The following PTK2B variants were observed in gnomAD, a reference collection of about 807,000 sequenced individuals.
PTK2B encodes protein tyrosine kinase 2 beta.
PTK2B carries 71 observed loss-of-function variants against 142.9 expected under a neutral mutation model. The ratio of observed to expected loss-of-function variants is 0.50; its 90% CI spans 0.41 to 0.61. The LOEUF (loss-of-function observed/expected upper bound fraction) is 0.61, where lower values mean the gene tolerates loss of function less well. Among genes scored for constraint, PTK2B ranks in the 20% least tolerant of loss-of-function variants. The pLI is 0.00. For missense variants in PTK2B, 1,105 were observed against 1,320.4 expected (o/e 0.84, Z 2.53); for synonymous variants, 519 against 503.4 (o/e 1.03, Z -0.42).
intron 30 of PTK2B, among the ~76,000 whole-genome samples, chr8:27,455,471 C>G (rs1308786892): frequency 1.3e-5 from 2 of 152,178 alleles, no homozygotes; most frequent in African/African-American, 4.8e-5. Context: ...ATAGACTGAG[C>G]CTGGGAGGTG....
In PTK2B at chr8:27,383,549, G is replaced by A. The variant is rs183490561; in HGVS notation, c.-37-13999G>A. Among the ~76,000 whole-genome samples, 506 of 151,984 alleles carry A rather than the reference G, an allele frequency of 3.3e-3. 4 individuals are homozygous for A. The highest frequency in any genetic ancestry group is 5.2e-3 in the Admixed American group (79 of 15,264). ...GCTGGGATTACAGGTGTGAGCCACC[G>A]CGCCTGGCCTCCTCTGTTTCTTTCA... On this transcript the variant is annotated intron_variant, in intron 1 of 30. Coordinates refer to ENST00000346049, the MANE Select transcript of PTK2B (RefSeq NM_173176.3).
intron 2 of PTK2B, among the ~76,000 whole-genome samples, chr8:27,407,632 G>A (rs747565302): frequency 1.3e-5 from 2 of 152,140 alleles, no homozygotes; most frequent in African/African-American, 2.4e-5. Context: ...AGGTGCTCCC[G>A]GGAGGTGGGT....
intron 5 of PTK2B, 99 bp downstream of exon 5, chr8:27,422,482 G>A (rs1809823613): frequency 3.5e-6 from 4 of 1,137,686 alleles, no homozygotes; most frequent in African/African-American, 3.2e-5. Context: ...GAATGAGTGT[G>A]TGGGAGCCAG....
At chr8:27,398,128 C>T (rs191041635) in intron 2 of PTK2B, among the ~76,000 whole-genome samples, 288 of 152,352 alleles carry the variant, frequency 1.9e-3, no homozygotes, top group Admixed American at 3.5e-3. Context: ...AAAGAGTTTA[C>T]ACTCTGATGA....
intron 21 of PTK2B, among the ~76,000 whole-genome samples, chr8:27,442,445 C>G (rs1219857648): frequency 6.6e-6 from 1 of 151,958 alleles, no homozygotes; most frequent in Non-Finnish European, 1.5e-5. Flanking sequence ...ACCGGGGATG[C>G]GTTGGGGGAT....
intron 7 of PTK2B, 111 bp from the exon 8 acceptor site, chr8:27,430,765 G>A (rs1380011941): frequency 9.8e-6 from 14 of 1,428,114 alleles, no homozygotes; most frequent in Non-Finnish European, 1.3e-5. Flanking sequence ...TTGGGGCAAA[G>A]GCCCTGGGGA....
At chr8:27,383,760 A>G (rs1807171606) in intron 1 of PTK2B, among the ~76,000 whole-genome samples, 1 of 151,848 alleles carries the variant, frequency 6.6e-6, no homozygotes, top group Admixed American at 6.6e-5. Context: ...ATCATAGCTC[A>G]CTGCATTCTT....
intron 1 of PTK2B, among the ~76,000 whole-genome samples, chr8:27,361,306 A>C (rs577564513): frequency 6.6e-6 from 1 of 152,020 alleles, no homozygotes; most frequent in African/African-American, 2.4e-5. Context: ...ACAGCCTCGA[A>C]CTCCTGGGCT....
chr8:27,371,784 G>A (rs1022445830), intron 1 of PTK2B, among the ~76,000 whole-genome samples: 6 of 152,188 alleles, frequency 3.9e-5, no homozygotes, highest in Non-Finnish European at 1.5e-5. Flanking sequence ...CTGACCTCAG[G>A]TGGTCTGCCT....
chr8:27,362,305 A>G (rs1235495331), intron 1 of PTK2B, among the ~76,000 whole-genome samples: 1 of 152,064 alleles, frequency 6.6e-6, no homozygotes, highest in Non-Finnish European at 1.5e-5. Context: ...CGTGACTCAC[A>G]GGCAGGCCCT....
At chr8:27,374,144 G>C (rs1010425455) in intron 1 of PTK2B, among the ~76,000 whole-genome samples, 5 of 152,202 alleles carry the variant, frequency 3.3e-5, no homozygotes, top group Non-Finnish European at 7.3e-5. Flanking sequence ...GGCAGCAGGG[G>C]CTGCACATTG....
Position 27,430,101 on chromosome 8 carries a change from T to C in PTK2B, c.560T>C (p.Phe187Ser), listed in dbSNP as rs1410966693. 1 of 1,613,966 alleles carries C rather than the reference T, an allele frequency of 6.2e-7. No individual in the cohort carries two copies. Among genetic ancestry groups the C allele is most frequent in the Admixed American group, 1.7e-5 (1 of 60,022 alleles). ...ACCACCTATTTCTCCAGGCGGTTCT[T>C]CAAGGATATGCCCCACAATGCACTT... ...QLGCLELRRFFKDMPHNALDK... is the reference protein window; with the variant it reads ...QLGCLELRRFSKDMPHNALDK... Residue 187 changes from phenylalanine (F) to serine (S), a missense_variant, in exon 6 of 31, where the codon TTC becomes TCC. Coordinates refer to ENST00000346049, the MANE Select transcript of PTK2B (RefSeq NM_173176.3).
Position 27,458,283 on chromosome 8 carries a change from T to A in PTK2B, c.2815-11T>A. On this transcript the variant is annotated splice_polypyrimidine_tract_variant and intron_variant, in intron 30 of 30. Transcript: ENST00000346049. ...TGGCCTCTCAACCTGTCCTGTGTGA[T>A]CTTCCTACAGATCGAGGGCACCCAG... 1.9e-6 allele frequency: 3 copies of A among 1,612,460 alleles called. 1 individual carries two copies. The highest frequency in any genetic ancestry group is 1.1e-5 in the South Asian group (1 of 90,890).
intron 27 of PTK2B, chr8:27,451,851 T>A: frequency 2.1e-6 from 2 of 956,978 alleles, no homozygotes; most frequent in Non-Finnish European, 2.7e-6. Context: ...AGTTAAGCAG[T>A]GCCACCTGCC....
chr8:27,375,884 C>T (rs1427328937), intron 1 of PTK2B, among the ~76,000 whole-genome samples: 6 of 152,256 alleles, frequency 3.9e-5, no homozygotes, highest in Non-Finnish European at 7.3e-5. Flanking sequence ...CTGGAGCCTT[C>T]ATTCCCCTCA....
At chr8:27,310,961 C>T (rs974827238), upstream of PTK2B, 1 of 1,612,420 alleles carries the variant, frequency 6.2e-7, no homozygotes, top group African/African-American at 1.3e-5. Context: ...GTAGCTGGTC[C>T]AGCGCGCGCC....
rs1268218695 is a variant in PTK2B at position 27,437,833 on chromosome 8, G to C, written c.1596G>C (p.Gln532His). Residue 532 changes from glutamine to histidine, a missense_variant, in exon 18 of 31, where the codon CAG (glutamine) becomes CAC (histidine). Transcript: ENST00000346049. ...KVLTLVLYSL[Q>H]ICKAMAYLES... ...TCACCCTCGTGCTGTACTCACTGCAGATATGCAAAGCCATGGCCTACCTGG... is the reference window on the plus strand; with the variant it reads ...TCACCCTCGTGCTGTACTCACTGCACATATGCAAAGCCATGGCCTACCTGG... 9 of 1,613,676 alleles carry C rather than the reference G, an allele frequency of 5.6e-6. No individual in the cohort carries two copies. The East Asian group carries it at 2.0e-4, about 36-fold the overall frequency.
chr8:27,422,324 G>A lies in PTK2B; in HGVS notation c.492G>A (p.Gln164=). 6.2e-7 allele frequency: 1 copy of A among 1,613,778 alleles called. No individual in the cohort carries two copies. ...ACCAGCTCCGGAACGACTACATGCAGCGCTACGCCAGCAAGGTCAGCGAGG... is the reference window on the plus strand; with the variant it reads ...ACCAGCTCCGGAACGACTACATGCAACGCTACGCCAGCAAGGTCAGCGAGG... The part of the protein sequence containing the change: ...FYQQLRNDYM[Q]RYASKVSEGM... Residue 164 remains glutamine (Q), a synonymous_variant, in exon 5 of 31, where the codon CAG becomes CAA. Transcript: ENST00000346049.
intron 30 of PTK2B, among the ~76,000 whole-genome samples, chr8:27,456,759 C>G (rs948386117): frequency 1.3e-5 from 2 of 152,176 alleles, no homozygotes; most frequent in East Asian, 3.9e-4. Flanking sequence ...GTTAGCTGCT[C>G]CAGTGAACAC....
Sources: gnomAD v4.1 joint callset for allele counts (sites outside exome capture counted in the v4.1 genomes callset) on GRCh38, gnomAD v4.1.1 for gene constraint, MANE v1.5 for transcripts, NCBI Gene and HGNC (gene_info 2026-07-23, HGNC 2026-07-21) for gene names.